ITGA6: variants seen among roughly 807,000 people sequenced by gnomAD.
The protein encoded by ITGA6 is integrin alpha-6.
In ITGA6, 63 loss-of-function variants were observed where a neutral mutation model predicts 133.6. The observed-to-expected ratio is 0.47, with a 90% CI of 0.38 to 0.58. The LOEUF (loss-of-function observed/expected upper bound fraction) is 0.58, where lower values mean the gene tolerates loss of function less well. ITGA6 is among the 20% of genes least tolerant of loss of function. The pLI, the probability that ITGA6 is intolerant of heterozygous loss-of-function variation, is 0.00. For synonymous variants in ITGA6, 434 were observed against 482.0 expected (o/e 0.90, Z 1.30); for missense variants, 1,068 against 1,309.4 (o/e 0.82, Z 2.85).
Position 172,476,597 on chromosome 2 carries a change from A to G in ITGA6, c.1388+84A>G, listed in dbSNP as rs1448660186. ...TTGACCTTTTGGACTGAAATTTGTC[A>G]TACCTATACTTCAAAGGTTTATATG... On this transcript the variant is annotated intron_variant, in intron 9 of 25. Coordinates refer to ENST00000684293, the MANE Select transcript of ITGA6 (RefSeq NM_000210.4). 4.8e-6 allele frequency: 4 copies of G among 824,836 alleles called. No homozygotes were observed. In the African/African-American group the frequency reaches 5.0e-5, roughly 10 times the overall value. The allele number at this position is 824,836 out of a possible 1,614,324, so 51.1% of individuals were successfully genotyped here.
chr2:172,448,841 C>A (rs1684872377), intron 1 of ITGA6, among the ~76,000 whole-genome samples: 1 of 151,722 alleles, frequency 6.6e-6, no homozygotes, highest in Admixed American at 6.6e-5. Flanking sequence ...CTTAAGGTTA[C>A]AAAAAAAAGC....
At chr2:172,447,638 C>A (rs1190712356) in intron 1 of ITGA6, among the ~76,000 whole-genome samples, 1 of 152,056 alleles carries the variant, frequency 6.6e-6, no homozygotes, top group Non-Finnish European at 1.5e-5. Context: ...TAATGTTATT[C>A]TTTTTTCCTT....
rs973383097 is a variant in ITGA6 at position 172,457,763 on chromosome 2, G to A, written c.183-7776G>A. Among the ~76,000 whole-genome samples the A allele has an allele frequency of 7.9e-5, 12 of 152,204 alleles. 1 individual carries two copies. Among genetic ancestry groups the A allele is most frequent in the African/African-American group, 2.9e-4 (12 of 41,448 alleles). ...AGGCATCCCCCTTCAAACTGGGGGG[G>A]AAGCTAGGCTGGGATGAAAATCTGA... On this transcript the variant is annotated intron_variant, in intron 1 of 25. Coordinates refer to ENST00000684293, the MANE Select transcript of ITGA6 (RefSeq NM_000210.4).
At chr2:172,447,798 G>A (rs1245598271) in intron 1 of ITGA6, among the ~76,000 whole-genome samples, 18 of 152,110 alleles carry the variant, frequency 1.2e-4, no homozygotes, top group Admixed American at 1.2e-3. Context: ...GCTCTTATTA[G>A]CATATTCCCT....
chr2:172,431,780 G>C (rs1000007407), intron 1 of ITGA6, among the ~76,000 whole-genome samples: 2 of 152,212 alleles, frequency 1.3e-5, no homozygotes, highest in African/African-American at 4.8e-5. Flanking sequence ...CAAGAAAGCA[G>C]AAATAGGCAA....
At chr2:172,449,374 T>C (rs1395917747) in intron 1 of ITGA6, among the ~76,000 whole-genome samples, 1 of 152,196 alleles carries the variant, frequency 6.6e-6, no homozygotes, top group African/African-American at 2.4e-5. Context: ...TTGGGATGCA[T>C]GAATAATATC....
chr2:172,500,040 T>G (rs1340743978), intron 24 of ITGA6, among the ~76,000 whole-genome samples: 1 of 152,206 alleles, frequency 6.6e-6, no homozygotes, highest in Non-Finnish European at 1.5e-5. Flanking sequence ...TATACTTTTA[T>G]TCAACTGAAT....
At chr2:172,443,462 C>T (rs1275574654) in intron 1 of ITGA6, among the ~76,000 whole-genome samples, 2 of 152,016 alleles carry the variant, frequency 1.3e-5, no homozygotes, top group South Asian at 2.1e-4. Context: ...GTGGCCTGGC[C>T]GGCGTTGTTG....
chr2:172,474,089 T>C lies in ITGA6; in HGVS notation c.810T>C (p.Ser270=). 1 of 1,613,708 alleles carries C rather than the reference T, an allele frequency of 6.2e-7. No individual in the cohort carries two copies. The change falls in exon 6 of 26, where the codon TCT becomes TCC. Residue 270 remains serine (S), a synonymous_variant. Coordinates refer to ENST00000684293, the MANE Select transcript of ITGA6 (RefSeq NM_000210.4). ...FSLDSGKGIV[S]KDEITFVSGA... ...TGGACTCAGGGAAAGGTATTGTTTC[T>C]AAAGATGAGATCACTTTTGTATCTG...
chr2:172,435,219 G>A (rs1485185607), intron 1 of ITGA6, among the ~76,000 whole-genome samples: 2 of 152,092 alleles, frequency 1.3e-5, no homozygotes, highest in Non-Finnish European at 2.9e-5. Context: ...TAAAGTTAAC[G>A]AGAGGATCCT....
chr2:172,468,496 AG>A (rs1486425478), intron 3 of ITGA6, among the ~76,000 whole-genome samples: 1 of 152,186 alleles, frequency 6.6e-6, no homozygotes, highest in Non-Finnish European at 1.5e-5. Context: ...GTTTACATGG[AG>A]GTTAGCCATT....
At chr2:172,433,531 C>T (rs1453147920) in intron 1 of ITGA6, among the ~76,000 whole-genome samples, 2 of 152,262 alleles carry the variant, frequency 1.3e-5, no homozygotes, top group East Asian at 3.9e-4. Context: ...AGCTAGTATC[C>T]TCGCACATTA....
chr2:172,450,312 T>A (rs1684934680), intron 1 of ITGA6, among the ~76,000 whole-genome samples: 1 of 152,056 alleles, frequency 6.6e-6, no homozygotes, highest in Non-Finnish European at 1.5e-5. Context: ...CGGGCTCGGG[T>A]GGAACAAGAG....
At chr2:172,467,430 G>T (rs1195059492) in intron 2 of ITGA6, 51 bp from the exon 3 acceptor site, 3 of 1,414,742 alleles carry the variant, frequency 2.1e-6, no homozygotes, top group Non-Finnish European at 3.0e-6. Flanking sequence ...TTCAGTGATG[G>T]TTTCTAGCAT....
chr2:172,446,190 T>G (rs1354147970), intron 1 of ITGA6, among the ~76,000 whole-genome samples: 1 of 152,230 alleles, frequency 6.6e-6, no homozygotes, highest in Non-Finnish European at 1.5e-5. Flanking sequence ...AAATTTGTAT[T>G]TCCTAAACTA....
Position 172,462,387 on chromosome 2 carries a change from G to A in ITGA6, c.183-3152G>A, listed in dbSNP as rs112581753. 1.2e-3 allele frequency among the ~76,000 whole-genome samples: 189 copies of A among 152,352 alleles called. 1 individual carries two copies. Among genetic ancestry groups the A allele is most frequent in the African/African-American group, 4.3e-3 (177 of 41,582 alleles). On this transcript the variant is annotated intron_variant, in intron 1 of 25. Coordinates refer to ENST00000684293, the MANE Select transcript of ITGA6 (RefSeq NM_000210.4). ...GAGCTCGCCCAGAGGCGGTGCAACA[G>A]CTAACGTTATTCTCTGTGGGTACAT...
At chr2:172,470,796 AT>A (rs1473654374) in intron 4 of ITGA6, among the ~76,000 whole-genome samples, 177 bp from the exon 5 acceptor site, 1 of 152,196 alleles carries the variant, frequency 6.6e-6, no homozygotes, top group Non-Finnish European at 1.5e-5. Flanking sequence ...TTTCTTTCCC[AT>A]AAAAATTTAC....
rs779823355 is a variant in ITGA6, at chr2:172,489,522, C to A, written c.2543C>A (p.Thr848Lys). Reference sequence around the variant, plus strand: ...GGTAAACCTCTTACAAACCTCGGCACAGCAACCTTGAACATTCAGTGGCCA... The same window carrying A: ...GGTAAACCTCTTACAAACCTCGGCAAAGCAACCTTGAACATTCAGTGGCCA... ...NLGKPLTNLG[T>K]ATLNIQWPKE... Residue 848 changes from threonine to lysine, a missense_variant, in exon 20 of 26, where the codon ACA (threonine) becomes AAA (lysine). Physicochemically the swap from Thr to Lys is moderately conservative, Grantham distance 78. This residue lies in a region of ITGA6 where 609 missense variants were observed against 707.2 expected (regional missense o/e 0.86). Transcript: ENST00000684293. 1.9e-6 allele frequency: 3 copies of A among 1,613,962 alleles called. No individual in the cohort carries two copies. The highest frequency in any genetic ancestry group is 2.5e-6 in the Non-Finnish European group (3 of 1,179,854).
At chr2:172,444,270 T>C (rs1433518275) in intron 1 of ITGA6, among the ~76,000 whole-genome samples, 3 of 152,320 alleles carry the variant, frequency 2.0e-5, no homozygotes, top group South Asian at 2.1e-4. Context: ...GATGTAAGCT[T>C]TCTGGAGGTA....
Sources: allele counts gnomAD v4.1 joint callset (sites outside exome capture counted in the v4.1 genomes callset), GRCh38; gene constraint gnomAD v4.1.1; regional missense constraint gnomAD v4.1.1; transcripts MANE v1.5; gene names NCBI Gene and HGNC (gene_info 2026-07-23, HGNC 2026-07-21).